The following GRHL2 variants were observed in gnomAD, a reference collection of about 807,000 sequenced individuals.
GRHL2 encodes the protein grainyhead like transcription factor 2.
A neutral mutation model predicts 83.8 loss-of-function variants in GRHL2; 21 were observed. That is an observed-to-expected ratio of 0.25 (90% CI 0.18 to 0.36). GRHL2 has a LOEUF of 0.36. GRHL2 is among the 10% of genes least tolerant of loss of function. The pLI, the probability that GRHL2 is intolerant of heterozygous loss-of-function variation, is 1.00. For missense variants in GRHL2, 623 were observed against 781.8 expected (o/e 0.80, Z 2.42); for synonymous variants, 280 against 278.9 (o/e 1.00, Z -0.04).
At chr8:101,603,503 A>T (rs1159685234) in intron 8 of GRHL2, among the ~76,000 whole-genome samples, 2 of 152,238 alleles carry the variant, frequency 1.3e-5, no homozygotes, top group Non-Finnish European at 2.9e-5. Flanking sequence ...AAAAAAAGGA[A>T]AGACATGAAA....
intron 8 of GRHL2, among the ~76,000 whole-genome samples, chr8:101,603,854 C>T (rs1368215305): frequency 6.6e-6 from 1 of 152,076 alleles, no homozygotes; most frequent in Non-Finnish European, 1.5e-5. Flanking sequence ...CACACTGTCA[C>T]TGCTTGGAAA....
intron 1 of GRHL2, among the ~76,000 whole-genome samples, chr8:101,526,376 G>T (rs1317838801): frequency 6.6e-6 from 1 of 152,034 alleles, no homozygotes; most frequent in Non-Finnish European, 1.5e-5. Context: ...TGGAATTATT[G>T]GTTGACTGAG....
At chr8:101,677,822 A>G in the GRHL2 span, among the ~76,000 whole-genome samples, 1 of 152,138 alleles carries the variant, frequency 6.6e-6, no homozygotes, top group Non-Finnish European at 1.5e-5. Flanking sequence ...GCAAGTGCCC[A>G]GGACCTAAGT....
rs547439101 is a variant in GRHL2, at chr8:101,604,493, T to C, written c.1098+5342T>C. Among the ~76,000 whole-genome samples the C allele has an allele frequency of 4.3e-4, 66 of 152,364 alleles. 1 individual carries two copies. The South Asian group carries it at 0.013, about 31-fold the overall frequency. On this transcript the variant is annotated intron_variant, in intron 8 of 15. Coordinates refer to ENST00000646743, the MANE Select transcript of GRHL2 (RefSeq NM_024915.4). Reference sequence around the variant, plus strand: ...GATTTTAAGATTAAACCAATCTTGGTGTGCTACAACGACCTCTGTCATGTG... The same window carrying C: ...GATTTTAAGATTAAACCAATCTTGGCGTGCTACAACGACCTCTGTCATGTG...
downstream of GRHL2, among the ~76,000 whole-genome samples, chr8:101,671,383 G>A (rs1814205590): frequency 6.6e-6 from 1 of 152,182 alleles, no homozygotes; most frequent in Admixed American, 6.5e-5. Context: ...TGGCTCGGAG[G>A]GTCCTACGCG....
intron 1 of GRHL2, among the ~76,000 whole-genome samples, chr8:101,505,434 G>A (rs1052155716): frequency 6.6e-6 from 1 of 151,864 alleles, no homozygotes; most frequent in African/African-American, 2.4e-5. Flanking sequence ...AAAATTAGCC[G>A]GATGTGGTGG....
At chr8:101,669,971 C>T (rs1175860844), downstream of GRHL2, among the ~76,000 whole-genome samples, 1 of 152,222 alleles carries the variant, frequency 6.6e-6, no homozygotes, top group Non-Finnish European at 1.5e-5. Context: ...GGTGGTTATT[C>T]TTGGCCAGTC....
rs138776710 is a variant in GRHL2 at position 101,616,230 on chromosome 8, G to A, written c.1099-3309G>A. Among the ~76,000 whole-genome samples, 1,345 of 151,256 alleles carry A rather than the reference G, an allele frequency of 8.9e-3. 21 individuals carry two copies. The highest frequency in any genetic ancestry group is 0.031 in the African/African-American group (1,271 of 41,102). The stretch of plus-strand genomic sequence containing the variant: ...TTGTTGCCCAGGCTGGAGTGCAATG[G>A]CATGATCTCGGCTCACTGCAAACTC... On this transcript the variant is annotated intron_variant, in intron 8 of 15. Coordinates refer to ENST00000646743, the MANE Select transcript of GRHL2 (RefSeq NM_024915.4).
intron 1 of GRHL2, among the ~76,000 whole-genome samples, chr8:101,514,370 C>T (rs963655714): frequency 2.6e-5 from 4 of 152,090 alleles, no homozygotes; most frequent in African/African-American, 4.8e-5. Flanking sequence ...GTTAAACATG[C>T]GAGGATCTTA....
intron 7 of GRHL2, among the ~76,000 whole-genome samples, chr8:101,585,876 C>G (rs1335765695): frequency 1.3e-5 from 2 of 152,002 alleles, no homozygotes; most frequent in African/African-American, 4.8e-5. Flanking sequence ...ATCCTGGAAA[C>G]TCATTCTGTT....
intron 7 of GRHL2, among the ~76,000 whole-genome samples, chr8:101,579,585 C>G (rs10481051): frequency 0.12 from 18,569 of 152,172 alleles, 2,240 homozygotes; most frequent in African/African-American, 0.31. Flanking sequence ...CATGAATTTT[C>G]TGAGCACAGT....
At chr8:101,508,625 G>A (rs751603) in intron 1 of GRHL2, among the ~76,000 whole-genome samples, 10,375 of 152,128 alleles carry the variant, frequency 0.068, 593 homozygotes, top group East Asian at 0.21. Context: ...GCCAATGAAA[G>A]CAGTGACTCA....
At chr8:101,512,251 T>G in intron 1 of GRHL2, among the ~76,000 whole-genome samples, 1 of 152,154 alleles carries the variant, frequency 6.6e-6, no homozygotes, top group Non-Finnish European at 1.5e-5. Flanking sequence ...ACTTTATGAA[T>G]AACTTTAGTA....
intron 2 of GRHL2, among the ~76,000 whole-genome samples, chr8:101,549,775 C>T (rs987273895): frequency 6.6e-6 from 1 of 152,188 alleles, no homozygotes; most frequent in South Asian, 2.1e-4. Context: ...TATAAGCAGC[C>T]CTGGTGGCTA....
intron 3 of GRHL2, among the ~76,000 whole-genome samples, chr8:101,554,738 A>G (rs1016453793): frequency 6.6e-6 from 1 of 152,198 alleles, no homozygotes; most frequent in African/African-American, 2.4e-5. Flanking sequence ...CATGATCCGA[A>G]TTTTCTAAAA....
Position 101,586,103 on chromosome 8 carries a change from C to T in GRHL2, c.1003+8584C>T, listed in dbSNP as rs551145819. Reference sequence around the variant, plus strand: ...TTTTTTTTTTTTTGAGACGGAGTCTCGCTCTGTCGCCCAGGTGGGACTGCG... The same window carrying T: ...TTTTTTTTTTTTTGAGACGGAGTCTTGCTCTGTCGCCCAGGTGGGACTGCG... On this transcript the variant is annotated intron_variant, in intron 7 of 15. Coordinates refer to ENST00000646743, the MANE Select transcript of GRHL2 (RefSeq NM_024915.4). Among the ~76,000 whole-genome samples, 3 of 91,778 alleles carry T rather than the reference C, an allele frequency of 3.3e-5. 1 individual carries two copies. Among genetic ancestry groups the T allele is most frequent in the South Asian group, 3.6e-4 (1 of 2,798 alleles). 60.2% of individuals were successfully genotyped at this position (91,778 alleles called of 152,430 possible).
the GRHL2 span, among the ~76,000 whole-genome samples, chr8:101,678,830 G>A: frequency 8.0e-5 from 12 of 150,550 alleles, no homozygotes; most frequent in Non-Finnish European, 1.2e-4. Flanking sequence ...CACCTCACAT[G>A]GCAGGGTATT....
chr8:101,570,260 G>T, intron 4 of GRHL2, 79 bp from the exon 5 acceptor site: 1 of 1,097,174 alleles, frequency 9.1e-7, no homozygotes, highest in Non-Finnish European at 1.4e-6. Flanking sequence ...GAATAAAATA[G>T]TTTGGATACA....
intron 7 of GRHL2, among the ~76,000 whole-genome samples, chr8:101,584,198 G>A (rs1812117794): frequency 6.6e-6 from 1 of 152,136 alleles, no homozygotes; most frequent in African/African-American, 2.4e-5. Flanking sequence ...TATTAATCCT[G>A]TAGATTTCCA....
Sources: gnomAD v4.1 joint callset for allele counts (sites outside exome capture counted in the v4.1 genomes callset) on GRCh38, gnomAD v4.1.1 for gene constraint, MANE v1.5 for transcripts, NCBI Gene and HGNC (gene_info 2026-07-23, HGNC 2026-07-21) for gene names.